CUL4A: variants seen among roughly 807,000 people sequenced by gnomAD.
The protein encoded by CUL4A is cullin 4A, also known as cullin-4A.
In CUL4A, 16 loss-of-function variants were observed where a neutral mutation model predicts 95.5. The observed-to-expected ratio is 0.17, with a 90% CI of 0.11 to 0.25. CUL4A has a LOEUF of 0.25. CUL4A is among the 10% of genes least tolerant of loss of function. The pLI, the probability that CUL4A is intolerant of heterozygous loss-of-function variation, is 1.00. For missense variants in CUL4A, 610 were observed against 937.0 expected (o/e 0.65, Z 4.56); for synonymous variants, 380 against 353.1 (o/e 1.08, Z -0.85).
In CUL4A at chr13:113,261,162, A is replaced by G. The variant is rs185472577; in HGVS notation, c.2184+403A>G. On this transcript the variant is annotated intron_variant, in intron 19 of 19. Coordinates refer to ENST00000375440, the MANE Select transcript of CUL4A (RefSeq NM_001008895.4). ...GCGTTTTCCACCACGGTAATAGTCT[A>G]CTGTTGCTGTTGCTTATGAAAGTCA... Among the ~76,000 whole-genome samples, 18 of 152,336 alleles carry G rather than the reference A, an allele frequency of 1.2e-4. No individual in the cohort carries two copies. In the East Asian group the frequency reaches 2.9e-3, roughly 24 times the overall value.
At chr13:113,214,407 A>G (rs2040568402) in intron 2 of CUL4A, among the ~76,000 whole-genome samples, 1 of 152,224 alleles carries the variant, frequency 6.6e-6, no homozygotes, top group Non-Finnish European at 1.5e-5. Context: ...TAAATGAGAC[A>G]ACAGAAAACT....
rs1472032539 is a variant in CUL4A, at chr13:113,260,220, C to A, written c.2032-387C>A. Among the ~76,000 whole-genome samples the A allele has an allele frequency of 5.5e-4, 10 of 18,070 alleles. No individual in the cohort carries two copies. The South Asian group carries it at 5.8e-3, about 10-fold the overall frequency. The allele number at this position is 18,070 out of a possible 152,430, so 11.9% of individuals were successfully genotyped here. Reference sequence around the variant, plus strand: ...CTCCGTCTCAAAAAAAAAAAAAAAACCATTTCCCATCAAATTCGGTAACAT... The same window carrying A: ...CTCCGTCTCAAAAAAAAAAAAAAAAACATTTCCCATCAAATTCGGTAACAT... On this transcript the variant is annotated intron_variant, in intron 18 of 19. Coordinates refer to ENST00000375440, the MANE Select transcript of CUL4A (RefSeq NM_001008895.4).
At chr13:113,222,286 G>A (rs1654884991) in intron 3 of CUL4A, among the ~76,000 whole-genome samples, 2 of 152,128 alleles carry the variant, frequency 1.3e-5, no homozygotes, top group Non-Finnish European at 1.5e-5. Flanking sequence ...AGAAGTTAGT[G>A]TGCCTGTGTG....
Position 113,232,176 on chromosome 13 carries a change from CACCATT to C in CUL4A, c.513-998_513-993del, listed in dbSNP as rs2041359474. Reference sequence around the variant, plus strand: ...ACTGCTGCCACCACTACCCGCCCACCACCATTACTGCTGCCACCACTACCCGCCCAC... The same window carrying C: ...ACTGCTGCCACCACTACCCGCCCACCACTGCTGCCACCACTACCCGCCCAC... On this transcript the variant is annotated intron_variant, in intron 5 of 19. Transcript: ENST00000375440. Among the ~76,000 whole-genome samples, 4 of 97,432 alleles carry C rather than the reference CACCATT, an allele frequency of 4.1e-5. 1 individual carries two copies. The highest frequency in any genetic ancestry group is 2.0e-4 in the African/African-American group (4 of 20,282). 63.9% of individuals were successfully genotyped at this position (97,432 alleles called of 152,430 possible).
At chr13:113,208,670 G>A (rs931382765), upstream of CUL4A, 14 of 1,591,124 alleles carry the variant, frequency 8.8e-6, no homozygotes, top group African/African-American at 1.2e-4. Context: ...CACCCCCTAC[G>A]CCTCAAGCGG....
At chr13:113,229,687 T>C in intron 5 of CUL4A, 168 bp downstream of exon 5, 1 of 591,532 alleles carries the variant, frequency 1.7e-6, no homozygotes. Flanking sequence ...GGTCTTAGCC[T>C]TGAAACACCA....
chr13:113,222,923 A>C (rs960464063), intron 3 of CUL4A, among the ~76,000 whole-genome samples: 1 of 152,142 alleles, frequency 6.6e-6, no homozygotes, highest in Non-Finnish European at 1.5e-5. Context: ...GAGCAGAGCC[A>C]TGAGAGGAGG....
intron 2 of CUL4A, 93 bp downstream of exon 2, chr13:113,210,181 C>T: frequency 9.7e-6 from 8 of 821,350 alleles, no homozygotes; most frequent in Non-Finnish European, 1.4e-5. Flanking sequence ...CAGGCTCTCG[C>T]CGGGGAGCGG....
intron 5 of CUL4A, among the ~76,000 whole-genome samples, chr13:113,232,505 C>T (rs2041390429): frequency 1.3e-5 from 2 of 152,218 alleles, no homozygotes; most frequent in African/African-American, 4.8e-5. Flanking sequence ...TTTTTGGCCC[C>T]TCCTTAATGG....
chr13:113,244,079 G>C (rs2041794854), intron 11 of CUL4A: 3 of 187,590 alleles, frequency 1.6e-5, no homozygotes, highest in Admixed American at 6.0e-5. Flanking sequence ...CCTAGAAATA[G>C]GCACTCCAGC....
intron 2 of CUL4A, among the ~76,000 whole-genome samples, chr13:113,218,409 C>T (rs904077530): frequency 1.3e-5 from 2 of 152,160 alleles, no homozygotes; most frequent in Non-Finnish European, 2.9e-5. Flanking sequence ...TGAATCACTG[C>T]CCTGGGGAGT....
intron 18 of CUL4A, among the ~76,000 whole-genome samples, chr13:113,260,211 A>AAAAAAAAAAAAAAAAAAAAAAAAAAAAAC (rs1197388632): frequency 8.4e-6 from 1 of 119,522 alleles, no homozygotes; most frequent in East Asian, 3.3e-4. Flanking sequence ...CTCAAAAAAA[A>AAAAAAAAAAAAAAAAAAAAAAAAAAAAAC]AAAAAAAACC....
Position 113,264,240 on chromosome 13 carries a change from G to T in CUL4A, c.*658G>T, listed in dbSNP as rs1258667038. The T allele has an allele frequency of 6.6e-6, 1 of 152,228 alleles. No individual in the cohort carries two copies. The highest frequency in any genetic ancestry group is 6.5e-5 in the Admixed American group (1 of 15,274). 9.4% of individuals were successfully genotyped at this position (152,228 alleles called of 1,614,324 possible). On this transcript the variant is annotated 3_prime_UTR_variant, in exon 20 of 20. Transcript: ENST00000375440. Reference sequence around the variant, plus strand: ...CCATGGTGTCCGCCCTGCTGCGTCTGTTCGTCAGCTGAGTTCCTTGTGAAT... The same window carrying T: ...CCATGGTGTCCGCCCTGCTGCGTCTTTTCGTCAGCTGAGTTCCTTGTGAAT...
chr13:113,227,038 C>A (rs2139153614), intron 3 of CUL4A, among the ~76,000 whole-genome samples: 1 of 152,126 alleles, frequency 6.6e-6, no homozygotes, highest in African/African-American at 2.4e-5. Context: ...AGGTGTCTGG[C>A]AGTGAAGGAA....
chr13:113,213,101 T>G (rs978687354), intron 2 of CUL4A, among the ~76,000 whole-genome samples: 1 of 151,984 alleles, frequency 6.6e-6, no homozygotes, highest in Non-Finnish European at 1.5e-5. Flanking sequence ...TTAACAGTAT[T>G]GAGAGTCTGG....
chr13:113,250,367 GC>G (rs2041963650), intron 15 of CUL4A, among the ~76,000 whole-genome samples: 1 of 152,154 alleles, frequency 6.6e-6, no homozygotes, highest in African/African-American at 2.4e-5. Context: ...TGGCAGGATT[GC>G]CTGAGTCTGG....
upstream of CUL4A, chr13:113,208,855 C>T: frequency 7.1e-7 from 1 of 1,406,170 alleles, no homozygotes; most frequent in South Asian, 1.5e-5. Context: ...GCCGGGACGC[C>T]AGCGGCTCTG....
chr13:113,235,527 AT>A (rs2041509535), intron 8 of CUL4A, among the ~76,000 whole-genome samples: 1 of 152,120 alleles, frequency 6.6e-6, no homozygotes, highest in African/African-American at 2.4e-5. Context: ...TTTTCATCTT[AT>A]GTTTTTTTCC....
chr13:113,253,319 C>A, intron 16 of CUL4A, 124 bp downstream of exon 16: 1 of 436,524 alleles, frequency 2.3e-6, no homozygotes, highest in Non-Finnish European at 4.0e-6. Flanking sequence ...TTTTATAAGT[C>A]AATAAAATTT....
Sources: allele counts gnomAD v4.1 joint callset (sites outside exome capture counted in the v4.1 genomes callset), GRCh38; gene constraint gnomAD v4.1.1; transcripts MANE v1.5; gene names NCBI Gene and HGNC (gene_info 2026-07-23, HGNC 2026-07-21).